DHX32: variants seen among roughly 807,000 people sequenced by gnomAD.
DHX32 encodes the protein DEAH-box helicase 32 (putative).
Under a neutral mutation model 70.0 loss-of-function variants are expected in DHX32, and 51 were observed. The ratio of observed to expected loss-of-function variants is 0.73; its 90% CI spans 0.58 to 0.92. DHX32 has a LOEUF of 0.92. DHX32 is among the 40% of genes least tolerant of loss of function. The pLI is 0.00. For synonymous variants in DHX32, 310 were observed against 315.3 expected, an observed-to-expected ratio of 0.98 and a Z score of 0.18; for missense variants, 762 against 891.8, an observed-to-expected ratio of 0.85 and a Z score of 1.85.
chr10:125,841,157 G>A, intron 7 of DHX32, 161 bp from the exon 8 acceptor site: 3 of 1,388,438 alleles, frequency 2.2e-6, no homozygotes, highest in Non-Finnish European at 3.0e-6. Context: ...CAGAAATTTA[G>A]AGTGAGTCAT....
At chr10:125,845,185 ATGTTCTTATAG>A (rs1478492717) in intron 6 of DHX32, among the ~76,000 whole-genome samples, 1 of 152,098 alleles carries the variant, frequency 6.6e-6, no homozygotes, top group Non-Finnish European at 1.5e-5. Context: ...CATGTTTCCC[ATGTTCTTATAG>A]TGTTCTTATA....
intron 9 of DHX32, among the ~76,000 whole-genome samples, chr10:125,838,668 G>A (rs1421510523): frequency 6.6e-6 from 1 of 152,070 alleles, no homozygotes; most frequent in Non-Finnish European, 1.5e-5. Flanking sequence ...AACTTAGCAC[G>A]CTACCCACCA....
chr10:125,837,938 A>G (rs184327176), intron 10 of DHX32, among the ~76,000 whole-genome samples: 11 of 152,232 alleles, frequency 7.2e-5, no homozygotes, highest in Non-Finnish European at 1.0e-4. Flanking sequence ...ACCTGTATAC[A>G]GTGCATTTCT....
rs1944314072 is a variant in DHX32, at chr10:125,881,038, C to G, written c.-214G>C. 4.3e-6 allele frequency: 2 copies of G among 462,166 alleles called. No individual in the cohort carries two copies. The highest frequency in any genetic ancestry group is 7.5e-6 in the Non-Finnish European group (2 of 266,858). The allele number at this position is 462,166 out of a possible 1,614,324, so 28.6% of individuals were successfully genotyped here. ...CACTGTGCTGGCTCACTACAGCACT[C>G]TTCGGCATTGTAAATGATTGTCAAT... On this transcript the variant is annotated 5_prime_UTR_variant, in exon 1 of 11. Coordinates refer to ENST00000284690, the MANE Select transcript of DHX32 (RefSeq NM_018180.3).
At chr10:125,844,632 T>C (rs1943989583) in intron 6 of DHX32, among the ~76,000 whole-genome samples, 1 of 152,234 alleles carries the variant, frequency 6.6e-6, no homozygotes, top group Non-Finnish European at 1.5e-5. Flanking sequence ...ATCTCCCCAG[T>C]GTGGCCCATA....
rs1944105986 is a variant in DHX32 at position 125,852,618 on chromosome 10, T to G, written c.1117A>C (p.Asn373His). ...CTGATGGGCTGCATGACGAGCGAGT[T>G]TGCTCTTATTCTCGGGTTGTACACC... ...RKVYNPRIRA[N>H]SLVMQPISQS... The change falls in exon 5 of 11, where the codon AAC becomes CAC. Residue 373 changes from asparagine (N) to histidine (H), a missense_variant. Physicochemically the swap from Asn to His is moderately conservative, Grantham distance 68. Transcript: ENST00000284690. 1 of 1,612,044 alleles carries G rather than the reference T, an allele frequency of 6.2e-7. No individual in the cohort carries two copies. Among genetic ancestry groups the G allele is most frequent in the Non-Finnish European group, 8.5e-7 (1 of 1,179,558 alleles).
intron 6 of DHX32, chr10:125,842,683 C>A: frequency 3.6e-6 from 1 of 281,034 alleles, no homozygotes; most frequent in Non-Finnish European, 5.4e-6. Flanking sequence ...GCATGAAAAG[C>A]AGGAAAATAC....
chr10:125,880,466 T>C, intron 1 of DHX32, 77 bp downstream of exon 1: 1 of 1,443,866 alleles, frequency 6.9e-7, no homozygotes, highest in Non-Finnish European at 9.3e-7. Context: ...ATTAGAACAC[T>C]AGGCTGTGAC....
Position 125,840,905 on chromosome 10 carries a change from A to C in DHX32, c.1635T>G (p.Phe545Leu), listed in dbSNP as rs1164151903. ...KTFLHPEGDH[F>L]TLISIYKAYQ... ...AAGCCTTGTAAATGCTGATGAGGGT[A>C]AAGTGATCTCCTTCGGGATGTAAAA... The change falls in exon 8 of 11, where the codon TTT becomes TTG. Residue 545 changes from phenylalanine to leucine, a missense_variant. Physicochemically the swap from Phe to Leu is conservative, Grantham distance 22. This residue lies in a region of DHX32 where 366 missense variants were observed against 402.6 expected (regional missense o/e 0.91). Coordinates refer to ENST00000284690, the MANE Select transcript of DHX32 (RefSeq NM_018180.3). The C allele has an allele frequency of 6.2e-7, 1 of 1,612,240 alleles. No homozygotes were observed. The highest frequency in any genetic ancestry group is 8.5e-7 in the Non-Finnish European group (1 of 1,178,466).
In DHX32 at chr10:125,880,885, C is replaced by T. The variant is rs1276056019; in HGVS notation, c.-61G>A. On this transcript the variant is annotated 5_prime_UTR_variant, in exon 1 of 11. Coordinates refer to ENST00000284690, the MANE Select transcript of DHX32 (RefSeq NM_018180.3). Reference sequence around the variant, plus strand: ...ACAAGCAAGTTTCTCCTATCAGTAACCCATTGCAAACAGGGCTTAAAAGCC... The same window carrying T: ...ACAAGCAAGTTTCTCCTATCAGTAATCCATTGCAAACAGGGCTTAAAAGCC... 6.4e-7 allele frequency: 1 copy of T among 1,554,202 alleles called. No homozygotes were observed. Among genetic ancestry groups the T allele is most frequent in the South Asian group, 1.2e-5 (1 of 80,372 alleles).
At chr10:125,842,033 G>A (rs1854896275) in intron 6 of DHX32, 99 bp from the exon 7 acceptor site, 4 of 1,367,628 alleles carry the variant, frequency 2.9e-6, no homozygotes, top group Admixed American at 3.3e-5. Flanking sequence ...AGCAAACAAT[G>A]GACAAAATAT....
chr10:125,891,351 CTCT>C (rs1391744703), intron 1 of DHX32, among the ~76,000 whole-genome samples: 3 of 137,798 alleles, frequency 2.2e-5, no homozygotes, highest in Non-Finnish European at 3.3e-5. Flanking sequence ...ATCTCTCTCT[CTCT>C]TTTTTTTTTT....
chr10:125,861,739 C>T (rs779238575), intron 2 of DHX32, among the ~76,000 whole-genome samples: 8 of 152,190 alleles, frequency 5.3e-5, no homozygotes, highest in African/African-American at 9.7e-5. Flanking sequence ...GAGCTTGCGC[C>T]TGGGTTCCTG....
At position 125,859,905 on chromosome 10, in the gene DHX32, T is replaced by C; in HGVS notation, c.547A>G (p.Ile183Val). ...CTTCTTTCATGAATATCATCTAAGA[T>C]GATGACCCCATAGCTACCCAAAAAA... is the stretch of plus-strand genomic sequence containing the variant. ...NPFLGSYGVI[I>V]LDDIHERSIA... The change falls in exon 3 of 11, where the codon ATC becomes GTC. Residue 183 changes from isoleucine to valine, a missense_variant. Around this residue, in one of 3 missense-constraint regions of DHX32, gnomAD observed 394 missense variants for 473.1 expected, o/e 0.83. Coordinates refer to ENST00000284690, the MANE Select transcript of DHX32 (RefSeq NM_018180.3). 2 of 1,613,936 alleles carry C rather than the reference T, an allele frequency of 1.2e-6. No individual in the cohort carries two copies. Among genetic ancestry groups the C allele is most frequent in the Non-Finnish European group, 1.7e-6 (2 of 1,179,886 alleles).
chr10:125,838,936 G>T, intron 9 of DHX32, 65 bp downstream of exon 9: 2 of 1,457,840 alleles, frequency 1.4e-6, no homozygotes, highest in African/African-American at 2.8e-5. Context: ...GCCATTGTTG[G>T]CAGCATATCC....
intron 3 of DHX32, 123 bp downstream of exon 3, chr10:125,859,480 T>G (rs576150417): frequency 1.9e-6 from 2 of 1,043,046 alleles, no homozygotes; most frequent in African/African-American, 3.2e-5. Flanking sequence ...TTTTATTTAA[T>G]GAGGTGTGAT....
Position 125,836,693 on chromosome 10 carries a change from G to C in DHX32, c.2226C>G (p.Leu742=). 3 of 1,613,972 alleles carry C rather than the reference G, an allele frequency of 1.9e-6. No homozygotes were observed. Among genetic ancestry groups the C allele is most frequent in the Non-Finnish European group, 2.5e-6 (3 of 1,179,918 alleles). The change falls in exon 11 of 11, where the codon CTC becomes CTG. Residue 742 remains leucine (L), a synonymous_variant. Transcript: ENST00000284690. ...TCPETEQRCT[L]Q Reference sequence around the variant, plus strand: ...CCTTGTGTTTGCTGGGGAGTCACTGGAGAGTGCATCTCTGTTCAGTTTCAG... The same window carrying C: ...CCTTGTGTTTGCTGGGGAGTCACTGCAGAGTGCATCTCTGTTCAGTTTCAG...
intron 6 of DHX32, among the ~76,000 whole-genome samples, chr10:125,850,772 A>AT (rs1944080795): frequency 6.6e-6 from 1 of 152,244 alleles, no homozygotes; most frequent in African/African-American, 2.4e-5. Flanking sequence ...ATCATAGATC[A>AT]TACCAAAGCC....
intron 1 of DHX32, among the ~76,000 whole-genome samples, chr10:125,876,632 C>A (rs1242024036): frequency 2.6e-5 from 4 of 152,178 alleles, no homozygotes; most frequent in Non-Finnish European, 5.9e-5. Context: ...GAGCCGGAAC[C>A]TAACCCTAAG....
Sources: allele counts gnomAD v4.1 joint callset (sites outside exome capture counted in the v4.1 genomes callset), GRCh38; gene constraint gnomAD v4.1.1; regional missense constraint gnomAD v4.1.1; transcripts MANE v1.5; gene names NCBI Gene and HGNC (gene_info 2026-07-23, HGNC 2026-07-21).